EML4: variants seen among roughly 807,000 people sequenced by gnomAD.
EML4 encodes EMAP like 4.
A neutral mutation model predicts 129.0 loss-of-function variants in EML4; 72 were observed. The ratio of observed to expected loss-of-function variants is 0.56; its 90% CI spans 0.46 to 0.68. EML4 has a LOEUF of 0.68. Among genes scored for constraint, EML4 ranks in the 30% least tolerant of loss-of-function variants. The probability of loss-of-function intolerance (pLI) is 0.00; values close to 1 mark genes in which losing one functional copy is unlikely to be tolerated. For synonymous variants in EML4, 532 were observed against 405.0 expected (o/e 1.31, Z -3.77); for missense variants, 1,363 against 1,190.6 (o/e 1.14, Z -2.13).
At chr2:42,173,991 G>A (rs1670427402) in intron 1 of EML4, among the ~76,000 whole-genome samples, 1 of 152,148 alleles carries the variant, frequency 6.6e-6, no homozygotes, top group East Asian at 1.9e-4. Context: ...AACATTTGTT[G>A]ATTGCTAGAT....
chr2:42,308,116 G>A (rs1000670973), intron 17 of EML4, among the ~76,000 whole-genome samples: 1 of 152,156 alleles, frequency 6.6e-6, no homozygotes, highest in African/African-American at 2.4e-5. Flanking sequence ...CATCAAATAA[G>A]TACAATTATC....
Position 42,256,557 on chromosome 2 carries a change from G to A in EML4, c.265G>A (p.Ala89Thr), listed in dbSNP as rs549184736. The part of the protein sequence containing the change: ...PMSCITNGSG[A>T]NRKPSHTSAV... ...GTCCTGTATAACCAATGGAAGTGGT[G>A]CAAACAGAAAACCAAGTCATACCAG... Residue 89 changes from alanine (A) to threonine (T), a missense_variant, in exon 3 of 23, where the codon GCA (alanine) becomes ACA (threonine). By Grantham distance (58) the Ala-to-Thr change is moderately conservative (BLOSUM62 0). Transcript: ENST00000318522. 1.9e-6 allele frequency: 3 copies of A among 1,613,700 alleles called. No individual in the cohort carries two copies. Among genetic ancestry groups the A allele is most frequent in the Non-Finnish European group, 2.5e-6 (3 of 1,179,816 alleles).
At chr2:42,314,760 C>G (rs1273903711) in intron 17 of EML4, among the ~76,000 whole-genome samples, 2 of 152,232 alleles carry the variant, frequency 1.3e-5, no homozygotes, top group Non-Finnish European at 2.9e-5. Context: ...GCCATCCTCT[C>G]TCTTATGCAG....
At chr2:42,198,126 G>C (rs962659802) in intron 1 of EML4, among the ~76,000 whole-genome samples, 3 of 152,192 alleles carry the variant, frequency 2.0e-5, no homozygotes, top group Non-Finnish European at 4.4e-5. Context: ...AGGTTAGGTA[G>C]TAATGGAAAA....
chr2:42,251,286 G>A (rs923889434), intron 2 of EML4, among the ~76,000 whole-genome samples: 5 of 152,192 alleles, frequency 3.3e-5, no homozygotes, highest in Admixed American at 6.5e-5. Context: ...TAAAAATAGG[G>A]TATTAGAATC....
chr2:42,190,609 T>C (rs1052082922), intron 1 of EML4, among the ~76,000 whole-genome samples: 1 of 152,190 alleles, frequency 6.6e-6, no homozygotes, highest in Non-Finnish European at 1.5e-5. Flanking sequence ...AAAAGTAATA[T>C]CACATCTCAG....
chr2:42,259,595 A>G (rs1665580163), intron 3 of EML4, among the ~76,000 whole-genome samples: 2 of 152,132 alleles, frequency 1.3e-5, no homozygotes, highest in South Asian at 2.1e-4. Flanking sequence ...CATAAAATAT[A>G]TCCATAAATA....
intron 1 of EML4, among the ~76,000 whole-genome samples, chr2:42,173,750 A>G (rs1670410942): frequency 6.6e-6 from 1 of 152,204 alleles, no homozygotes; most frequent in African/African-American, 2.4e-5. Flanking sequence ...AGGCTGAGGC[A>G]GGAGGATCAC....
intron 6 of EML4, among the ~76,000 whole-genome samples, chr2:42,276,035 A>G (rs1666637933): frequency 6.6e-6 from 1 of 152,202 alleles, no homozygotes; most frequent in Admixed American, 6.5e-5. Context: ...TGTAAGATCA[A>G]GAAGCCCGAG....
chr2:42,184,940 C>A (rs1671158578), intron 1 of EML4, among the ~76,000 whole-genome samples: 1 of 152,196 alleles, frequency 6.6e-6, no homozygotes, highest in Non-Finnish European at 1.5e-5. Flanking sequence ...CAGTGCCTAA[C>A]CGCTTTGGCC....
rs141306150 is a variant in EML4, at chr2:42,282,829, T to A, written c.798T>A (p.Gly266=). ...PEKLKLEWAY[G]YRGKDCRANV... ...TGACTCTTTTTCTGTTAAGATATGG[T>A]TATCGAGGAAAGGACTGTAGAGCTA... Residue 266 remains glycine (G), a synonymous_variant, in exon 8 of 23, where the codon GGT becomes GGA. Transcript: ENST00000318522. The A allele has an allele frequency of 5.6e-6, 9 of 1,611,138 alleles. No homozygotes were observed. The highest frequency in any genetic ancestry group is 7.6e-6 in the Non-Finnish European group (9 of 1,178,882).
chr2:42,222,309 T>C (rs1232699845), intron 1 of EML4, among the ~76,000 whole-genome samples: 2 of 152,166 alleles, frequency 1.3e-5, no homozygotes, highest in East Asian at 1.9e-4. Context: ...TGACAAACTT[T>C]AGCACTTTAT....
rs1013682867 is a variant in EML4, at chr2:42,260,988, G to C, written c.339-133G>C. On this transcript the variant is annotated intron_variant, in intron 3 of 22. Coordinates refer to ENST00000318522, the MANE Select transcript of EML4 (RefSeq NM_019063.5). ...TTTTCAAAGAAATATTGTCCTTATT[G>C]AATGAAAACAGTGCAAATTGTATTA... 1.1e-5 allele frequency: 7 copies of C among 628,586 alleles called. No individual in the cohort carries two copies. In the African/African-American group the frequency reaches 1.3e-4, roughly 11 times the overall value. The allele number at this position is 628,586 out of a possible 1,614,324, so 38.9% of individuals were successfully genotyped here. A position where few individuals can be genotyped will look rare whatever the true frequency, so the allele number is the denominator to read the frequency against.
At chr2:42,198,068 G>A (rs1672000666) in intron 1 of EML4, among the ~76,000 whole-genome samples, 1 of 152,064 alleles carries the variant, frequency 6.6e-6, no homozygotes, top group Non-Finnish European at 1.5e-5. Flanking sequence ...TAGTTGATAG[G>A]GTTGCTTATC....
intron 1 of EML4, among the ~76,000 whole-genome samples, chr2:42,194,914 G>C (rs777896725): frequency 6.6e-6 from 1 of 152,068 alleles, no homozygotes; most frequent in African/African-American, 2.4e-5. Context: ...TGTAAGATAA[G>C]AGTTAAAAGT....
intron 1 of EML4, among the ~76,000 whole-genome samples, chr2:42,196,337 C>CGCTTG (rs1239643987): frequency 1.1e-4 from 17 of 152,150 alleles, no homozygotes; most frequent in Admixed American, 2.6e-4. Flanking sequence ...CATCTGTTGA[C>CGCTTG]GCTTGCTTAT....
chr2:42,247,355 G>T (rs1298518803), intron 2 of EML4, among the ~76,000 whole-genome samples: 1 of 152,288 alleles, frequency 6.6e-6, no homozygotes, highest in East Asian at 1.9e-4. Context: ...GAGAATGGAA[G>T]ACCGTAGACA....
intron 1 of EML4, among the ~76,000 whole-genome samples, chr2:42,215,227 C>G (rs1396352543): frequency 1.3e-5 from 2 of 152,064 alleles, no homozygotes; most frequent in Non-Finnish European, 2.9e-5. Context: ...GCCTGGCTAA[C>G]TTTTATATTT....
intron 1 of EML4, among the ~76,000 whole-genome samples, chr2:42,208,476 C>T (rs1010378142): frequency 6.7e-6 from 1 of 150,130 alleles, no homozygotes; most frequent in Non-Finnish European, 1.5e-5. Flanking sequence ...TCTCTGTCGC[C>T]CAGGCTGGAG....
Sources: gnomAD v4.1 joint callset for allele counts (sites outside exome capture counted in the v4.1 genomes callset) on GRCh38, gnomAD v4.1.1 for gene constraint, MANE v1.5 for transcripts, NCBI Gene and HGNC (gene_info 2026-07-23, HGNC 2026-07-21) for gene names.